The following TMEFF1 variants were observed in gnomAD, a reference collection of about 807,000 sequenced individuals.
The protein encoded by TMEFF1 is transmembrane protein with EGF like and two follistatin like domains 1.
Under a neutral mutation model 47.5 loss-of-function variants are expected in TMEFF1, and 20 were observed. That is an observed-to-expected ratio of 0.42 (90% CI 0.30 to 0.61). The LOEUF (loss-of-function observed/expected upper bound fraction) is 0.61, where lower values mean the gene tolerates loss of function less well. Ranked by LOEUF, TMEFF1 falls within the 20% of genes least tolerant of loss-of-function variation. TMEFF1 has a pLI of 0.19. For missense variants in TMEFF1, 411 were observed against 471.1 expected, an observed-to-expected ratio of 0.87 and a Z score of 1.18; for synonymous variants, 162 against 166.3, an observed-to-expected ratio of 0.97 and a Z score of 0.20.
At chr9:100,489,976 C>A (rs1394360019) in intron 1 of TMEFF1, among the ~76,000 whole-genome samples, 1 of 151,942 alleles carries the variant, frequency 6.6e-6, no homozygotes, top group African/African-American at 2.4e-5. Context: ...AGTTTTTCTC[C>A]CTGTCACCTT....
At chr9:100,554,265 T>C (rs570105895) in intron 7 of TMEFF1, among the ~76,000 whole-genome samples, 2 of 152,274 alleles carry the variant, frequency 1.3e-5, no homozygotes, top group East Asian at 3.9e-4. Flanking sequence ...TTGACAAATA[T>C]GCCTCATCAA....
chr9:100,551,244 A>G (rs1224760003), intron 7 of TMEFF1, among the ~76,000 whole-genome samples: 9 of 152,238 alleles, frequency 5.9e-5, no homozygotes, highest in Admixed American at 5.2e-4. Flanking sequence ...ACTAAATGAG[A>G]TAATATATGT....
chr9:100,513,418 C>G (rs1170389096), intron 4 of TMEFF1, 85 bp downstream of exon 4: 4 of 1,413,800 alleles, frequency 2.8e-6, no homozygotes, highest in Non-Finnish European at 3.7e-6. Flanking sequence ...TTTAAATCAG[C>G]TTTGAGATAT....
At chr9:100,549,033 A>G (rs1838786771) in intron 6 of TMEFF1, among the ~76,000 whole-genome samples, 1 of 151,904 alleles carries the variant, frequency 6.6e-6, no homozygotes, top group Non-Finnish European at 1.5e-5. Flanking sequence ...ATGATACTCT[A>G]CTCTTTGGAA....
At chr9:100,494,749 G>A (rs1020801796) in intron 1 of TMEFF1, among the ~76,000 whole-genome samples, 11 of 152,166 alleles carry the variant, frequency 7.2e-5, no homozygotes, top group Admixed American at 6.5e-5. Context: ...AAGAAGGGGA[G>A]AATAGATCCA....
chr9:100,571,657 G>A (rs1253407725), intron 8 of TMEFF1, among the ~76,000 whole-genome samples: 2 of 152,034 alleles, frequency 1.3e-5, no homozygotes. Flanking sequence ...GGGGGTGGGG[G>A]TGATGGTTTG....
chr9:100,551,820 G>C (rs1587851950), intron 7 of TMEFF1, among the ~76,000 whole-genome samples: 1 of 152,310 alleles, frequency 6.6e-6, no homozygotes. Flanking sequence ...TAACAAAGTA[G>C]AAATTGATTA....
At chr9:100,574,600 C>G (rs192823167) in intron 9 of TMEFF1, among the ~76,000 whole-genome samples, 274 of 152,062 alleles carry the variant, frequency 1.8e-3, no homozygotes, top group Middle Eastern at 0.01. Context: ...TGGTCTTCAA[C>G]TCCTAGGCTC....
At chr9:100,549,353 C>T (rs1463572266) in intron 6 of TMEFF1, among the ~76,000 whole-genome samples, 1 of 152,100 alleles carries the variant, frequency 6.6e-6, no homozygotes, top group Non-Finnish European at 1.5e-5. Flanking sequence ...GAAATCTGCC[C>T]CCCATGATCC....
intron 1 of TMEFF1, among the ~76,000 whole-genome samples, chr9:100,482,478 G>A (rs1364129990): frequency 5.3e-5 from 8 of 152,138 alleles, no homozygotes; most frequent in African/African-American, 1.9e-4. Context: ...GATTACAGGC[G>A]TGAGCCACCA....
At chr9:100,536,406 C>CA (rs1042803084) in intron 5 of TMEFF1, among the ~76,000 whole-genome samples, 22 of 151,382 alleles carry the variant, frequency 1.5e-4, no homozygotes, top group African/African-American at 4.4e-4. Flanking sequence ...GAACTGGGAA[C>CA]AAAAAAAACG....
At chr9:100,564,297 A>G (rs1035280658) in intron 8 of TMEFF1, among the ~76,000 whole-genome samples, 2 of 151,684 alleles carry the variant, frequency 1.3e-5, no homozygotes, top group Non-Finnish European at 2.9e-5. Flanking sequence ...CTAGTCTCGA[A>G]CTCCTGACCT....
chr9:100,575,023 T>C lies in TMEFF1; in HGVS notation c.1059-1493T>C, dbSNP rs759055045. On this transcript the variant is annotated intron_variant, in intron 9 of 9. Transcript: ENST00000374879. ...TCTCTACGATTGAAGAGTCATCTCA[T>C]TGAATTTATCACAGATTTCTCCTGG... Among the ~76,000 whole-genome samples the C allele has an allele frequency of 4.6e-5, 7 of 152,342 alleles. No individual in the cohort carries two copies. The South Asian group carries it at 6.2e-4, about 14-fold the overall frequency.
In TMEFF1 at chr9:100,576,793, A is replaced by G; in HGVS notation, c.*193A>G. 1.8e-6 allele frequency: 1 copy of G among 550,064 alleles called. No homozygotes were observed. The highest frequency in any genetic ancestry group is 3.9e-5 in the Admixed American group (1 of 25,682). 34.1% of individuals were successfully genotyped at this position (550,064 alleles called of 1,614,324 possible). A position where few individuals can be genotyped will look rare whatever the true frequency, so the allele number is the denominator to read the frequency against. On this transcript the variant is annotated 3_prime_UTR_variant, in exon 10 of 10. Coordinates refer to ENST00000374879, the MANE Select transcript of TMEFF1 (RefSeq NM_003692.5). ...GTCTTTGTTTTATGTTTTTAAATAC[A>G]GAAATTGCTTTCACAAATTTGTACC...
chr9:100,516,885 T>G, intron 5 of TMEFF1, 114 bp downstream of exon 5: 1 of 1,331,458 alleles, frequency 7.5e-7, no homozygotes, highest in Non-Finnish European at 9.9e-7. Context: ...TTTTCAAATT[T>G]TTTTTTTGTT....
intron 1 of TMEFF1, among the ~76,000 whole-genome samples, chr9:100,477,266 C>A (rs774632935): frequency 6.6e-6 from 1 of 152,186 alleles, no homozygotes; most frequent in South Asian, 2.1e-4. Flanking sequence ...GATGTTGTTA[C>A]GTTAGTCAAC....
chr9:100,490,482 T>C (rs954402619), intron 1 of TMEFF1, among the ~76,000 whole-genome samples: 1 of 152,200 alleles, frequency 6.6e-6, no homozygotes, highest in African/African-American at 2.4e-5. Context: ...GTTGAAGTCA[T>C]ATCTGGGAAA....
At chr9:100,542,579 A>ACTTTTAGC (rs1838654043) in intron 5 of TMEFF1, among the ~76,000 whole-genome samples, 1 of 152,218 alleles carries the variant, frequency 6.6e-6, no homozygotes, top group Non-Finnish European at 1.5e-5. Context: ...GTACTATTTC[A>ACTTTTAGC]CTTTTAGCTA....
At chr9:100,505,221 G>A (rs532663372) in intron 2 of TMEFF1, among the ~76,000 whole-genome samples, 1 of 151,822 alleles carries the variant, frequency 6.6e-6, no homozygotes, top group African/African-American at 2.4e-5. Flanking sequence ...AGACCATCCT[G>A]GCCAACATGG....
Sources: gnomAD v4.1 joint callset for allele counts (sites outside exome capture counted in the v4.1 genomes callset) on GRCh38, gnomAD v4.1.1 for gene constraint, MANE v1.5 for transcripts, NCBI Gene and HGNC (gene_info 2026-07-23, HGNC 2026-07-21) for gene names.